Variants in ATP8B3 observed in about 807,000 individuals in gnomAD.
ATP8B3 encodes phospholipid-transporting ATPase IK.
Under a neutral mutation model 140.9 loss-of-function variants are expected in ATP8B3, and 141 were observed. The observed-to-expected ratio is 1.00, with a 90% CI of 0.87 to 1.15. The LOEUF (loss-of-function observed/expected upper bound fraction) is 1.15, where lower values mean the gene tolerates loss of function less well. Among genes scored for constraint, ATP8B3 ranks in the 50% most tolerant of loss-of-function variants. ATP8B3 has a pLI of 0.00. For missense variants in ATP8B3, 1,874 were observed against 1,740.6 expected (o/e 1.08, Z -1.36); for synonymous variants, 765 against 714.6 (o/e 1.07, Z -1.13).
rs780428511 is a variant in ATP8B3 at position 1,789,009 on chromosome 19, C to G, written c.2957G>C (p.Gly986Ala). 4 of 1,610,004 alleles carry G rather than the reference C, an allele frequency of 2.5e-6. No individual in the cohort carries two copies. In the African/African-American group the frequency reaches 5.3e-5, roughly 22 times the overall value. The change falls in exon 24 of 29, where the codon GGC (glycine) becomes GCC (alanine). Residue 986 changes from glycine to alanine, a missense_variant. By Grantham distance (60) the Gly-to-Ala change is moderately conservative (BLOSUM62 0). Transcript: ENST00000310127. ...GCAGATCCGCACGTAGGACCAGCGG[C>G]CGTGCACCAGCAGGAGGCGCTGCAG... ...CFLQRLLLVH[G>A]RWSYVRICKF...
Position 1,800,053 on chromosome 19 carries a change from G to A in ATP8B3, c.1446C>T (p.Leu482=), listed in dbSNP as rs373789334. The A allele has an allele frequency of 6.3e-6, 10 of 1,597,344 alleles. No individual in the cohort carries two copies. The highest frequency in any genetic ancestry group is 4.0e-5 in the African/African-American group (3 of 74,772). Residue 482 remains leucine, a synonymous_variant, in exon 14 of 29, where the codon CTC becomes CTT. Transcript: ENST00000310127. This position sits in a 1 kb window ranked among gnomAD's most constrained non-coding sequence, Gnocchi z 4.4. The part of the protein sequence containing the change: ...DVPAKARSTS[L]NDHLGQVEYI... ...ATTCCACCTGGCCCAGGTGGTCGTT[G>A]AGGCTGGTGCTGCGGGCCTTGGCAG...
At position 1,805,123 on chromosome 19, in the gene ATP8B3, G is replaced by A; in HGVS notation, c.904+251C>T. On this transcript the variant is annotated intron_variant, in intron 10 of 28. Coordinates refer to ENST00000310127, the MANE Select transcript of ATP8B3 (RefSeq NM_138813.4). The surrounding 1 kb of genome is among the most constrained non-coding windows in gnomAD (Gnocchi z 5.2). ...CCCAAGTAGCTGGGACCACCGGCAT[G>A]TGCCACCACGCCCAGCTACTTGTTT... The A allele has an allele frequency of 2.1e-6, 1 of 468,194 alleles. No homozygotes were observed. Among genetic ancestry groups the A allele is most frequent in the Non-Finnish European group, 4.0e-6 (1 of 251,706 alleles). 29.0% of individuals were successfully genotyped at this position (468,194 alleles called of 1,614,324 possible). A position where few individuals can be genotyped will look rare whatever the true frequency, so the allele number is the denominator to read the frequency against.
chr19:1,797,407 T>G (rs1045856004), intron 14 of ATP8B3, among the ~76,000 whole-genome samples: 3 of 152,216 alleles, frequency 2.0e-5, no homozygotes, highest in Admixed American at 6.5e-5. Context: ...TGGAGCGGGA[T>G]GCAGCCCCAT....
chr19:1,804,793 C>G (rs146022238), intron 10 of ATP8B3, among the ~76,000 whole-genome samples: 25 of 152,120 alleles, frequency 1.6e-4, no homozygotes, highest in Non-Finnish European at 2.8e-4. Flanking sequence ...GAGACAAGAG[C>G]GAAACTCCGT....
intron 10 of ATP8B3, 111 bp from the exon 11 acceptor site, chr19:1,802,756 G>C: frequency 1.5e-6 from 2 of 1,331,252 alleles, no homozygotes; most frequent in Non-Finnish European, 2.0e-6. Context: ...GCCCCTCTGT[G>C]CCCCAAACTT....
intron 3 of ATP8B3, 106 bp from the exon 4 acceptor site, chr19:1,809,840 G>A (rs974999730): frequency 3.1e-6 from 3 of 974,478 alleles, no homozygotes; most frequent in East Asian, 5.3e-5. Context: ...CAGGCACTGG[G>A]GAGGCCCGAG....
intron 14 of ATP8B3, chr19:1,799,367 G>A (rs981771565): frequency 6.5e-6 from 1 of 154,986 alleles, no homozygotes; most frequent in South Asian, 2.1e-4. Flanking sequence ...GGGAGGCTGA[G>A]GCGGGAGAAT....
rs763233752 is a variant in ATP8B3, at chr19:1,800,231, A to C, written c.1343+28T>G. Reference sequence around the variant, plus strand: ...CCATGCCTCCCCGTTCCGCGTTTGCACCGGGGACGCAGCCGGCGGAGACTC... The same window carrying C: ...CCATGCCTCCCCGTTCCGCGTTTGCCCCGGGGACGCAGCCGGCGGAGACTC... On this transcript the variant is annotated intron_variant, in intron 13 of 28. Coordinates refer to ENST00000310127, the MANE Select transcript of ATP8B3 (RefSeq NM_138813.4). The surrounding 1 kb of genome is among the most constrained non-coding windows in gnomAD (Gnocchi z 4.4). The C allele has an allele frequency of 1.2e-6, 2 of 1,606,808 alleles. No homozygotes were observed. Among genetic ancestry groups the C allele is most frequent in the Non-Finnish European group, 1.7e-6 (2 of 1,176,312 alleles).
chr19:1,810,947 C>T (rs1402258050), intron 2 of ATP8B3, among the ~76,000 whole-genome samples: 6 of 152,170 alleles, frequency 3.9e-5, no homozygotes, highest in Admixed American at 3.3e-4. Context: ...CCACCCTGGT[C>T]GCCTCCCGCC....
rs1035236016 is a variant in ATP8B3 at position 1,805,316 on chromosome 19, C to G, written c.904+58G>C. The G allele has an allele frequency of 6.8e-7, 1 of 1,467,126 alleles. No individual in the cohort carries two copies. Among genetic ancestry groups the G allele is most frequent in the Admixed American group, 2.0e-5 (1 of 50,828 alleles). The allele number at this position is 1,467,126 out of a possible 1,614,324, so 90.9% of individuals were successfully genotyped here. On this transcript the variant is annotated intron_variant, in intron 10 of 28. Transcript: ENST00000310127. The surrounding 1 kb of genome is among the most constrained non-coding windows in gnomAD (Gnocchi z 5.2). ...AACAGTAATAACAACAACAAAATAC[C>G]CTAACTTTTAACTTTTACAGATTCG...
At position 1,785,181 on chromosome 19, in the gene ATP8B3, G is replaced by C; in HGVS notation, c.3510C>G (p.Ser1170=). Residue 1170 remains serine (S), a synonymous_variant, in exon 27 of 29, where the codon TCC becomes TCG. Transcript: ENST00000310127. ...TTQSFWLFRV[S]PTTFPFLYAD... Reference sequence around the variant, plus strand: ...CACACAGAAACGGGAAGGTCGTGGGGGATACTCTGAAGAGCCAGAAGCTCT... The same window carrying C: ...CACACAGAAACGGGAAGGTCGTGGGCGATACTCTGAAGAGCCAGAAGCTCT... 6.3e-7 allele frequency: 1 copy of C among 1,593,942 alleles called. No individual in the cohort carries two copies. Among genetic ancestry groups the C allele is most frequent in the Non-Finnish European group, 8.5e-7 (1 of 1,170,802 alleles).
Position 1,808,170 on chromosome 19 carries a change from G to A in ATP8B3, c.516+52C>T, listed in dbSNP as rs181003290. On this transcript the variant is annotated intron_variant, in intron 5 of 28. Transcript: ENST00000310127. The stretch of plus-strand genomic sequence containing the variant: ...CACCCATCACACAGACAAACACATC[G>A]ATGCTGCCAGGTGGCTAGGGGGGAC... 126 of 1,424,078 alleles carry A rather than the reference G, an allele frequency of 8.8e-5. No individual in the cohort carries two copies. In the Middle Eastern group the frequency reaches 2.5e-3, roughly 28 times the overall value. The allele number at this position is 1,424,078 out of a possible 1,614,324, so 88.2% of individuals were successfully genotyped here. A position where few individuals can be genotyped will look rare whatever the true frequency, so the allele number is the denominator to read the frequency against.
chr19:1,795,124 G>A (rs1002439266), intron 18 of ATP8B3, among the ~76,000 whole-genome samples: 6 of 152,080 alleles, frequency 3.9e-5, no homozygotes, highest in African/African-American at 1.2e-4. Context: ...GCGTGGTGGC[G>A]GGCGCCTGTA....
At chr19:1,789,251 C>T in intron 23 of ATP8B3, 110 bp downstream of exon 23, 2 of 1,202,908 alleles carry the variant, frequency 1.7e-6, no homozygotes, top group Non-Finnish European at 2.2e-6. Context: ...CCACCGCCGC[C>T]TCCATCAGCG....
chr19:1,802,730 C>G, intron 10 of ATP8B3, 85 bp from the exon 11 acceptor site: 1 of 1,477,280 alleles, frequency 6.8e-7, no homozygotes, highest in South Asian at 1.3e-5. Flanking sequence ...TGAGAACATT[C>G]CGGCCACCCT....
rs1205982674 is a variant in ATP8B3, at chr19:1,789,370, T to C, written c.2836A>G (p.Met946Val). Residue 946 changes from methionine to valine, a missense_variant, in exon 23 of 29, where the codon ATG (methionine) becomes GTG (valine). Around this residue, in one of 3 missense-constraint regions of ATP8B3, gnomAD observed 840 missense variants for 760.9 expected, o/e 1.10. Transcript: ENST00000310127. ...CGCCGCCGCCACCCACTCTTGATCA[T>C]GTTGATGTCGTTGGCACCGTCCCCG... ...AIGDGANDIN[M>V]IKTADVGVGL... 2.6e-6 allele frequency: 4 copies of C among 1,520,110 alleles called. No homozygotes were observed. The highest frequency in any genetic ancestry group is 3.8e-5 in the Admixed American group (2 of 52,732). 94.2% of individuals were successfully genotyped at this position (1,520,110 alleles called of 1,614,324 possible). A position where few individuals can be genotyped will look rare whatever the true frequency, so the allele number is the denominator to read the frequency against.
Position 1,782,875 on chromosome 19 carries a change from G to T in ATP8B3, c.*153C>A. The T allele has an allele frequency of 1.0e-6, 1 of 965,920 alleles. No individual in the cohort carries two copies. The highest frequency in any genetic ancestry group is 1.5e-6 in the Non-Finnish European group (1 of 661,926). The allele number at this position is 965,920 out of a possible 1,614,324, so 59.8% of individuals were successfully genotyped here. Reference sequence around the variant, plus strand: ...TGTTGCTGCTGGTGAGCACATATTTGGGGAGGGCAGGTTGGTTTTCTGGAT... The same window carrying T: ...TGTTGCTGCTGGTGAGCACATATTTTGGGAGGGCAGGTTGGTTTTCTGGAT... On this transcript the variant is annotated 3_prime_UTR_variant, in exon 29 of 29. Transcript: ENST00000310127.
chr19:1,804,576 C>A (rs2068952956), intron 10 of ATP8B3, among the ~76,000 whole-genome samples: 1 of 151,856 alleles, frequency 6.6e-6, no homozygotes, highest in Non-Finnish European at 1.5e-5. Flanking sequence ...CCACTGCACT[C>A]CAGCCTGGGC....
At position 1,788,972 on chromosome 19, in the gene ATP8B3, G is replaced by T; in HGVS notation, c.2994C>A (p.Arg998=). The change falls in exon 24 of 29, where the codon CGC becomes CGA. Residue 998 remains arginine, a synonymous_variant. Transcript: ENST00000310127. The part of the protein sequence containing the change: ...WSYVRICKFL[R]YFFYKSMASM... ...TGGCCATGCTCTTGTAGAAGAAGTA[G>T]CGCAGGAACTTGCAGATCCGCACGT... 6.2e-7 allele frequency: 1 copy of T among 1,610,138 alleles called. No homozygotes were observed. Among genetic ancestry groups the T allele is most frequent in the South Asian group, 1.1e-5 (1 of 90,328 alleles).
Sources: gnomAD v4.1 joint callset for allele counts (sites outside exome capture counted in the v4.1 genomes callset) on GRCh38, gnomAD v4.1.1 for gene constraint, gnomAD v4.1.1 regional missense constraint, Gnocchi (gnomAD v3.1) non-coding constraint, MANE v1.5 for transcripts, NCBI Gene and HGNC (gene_info 2026-07-23, HGNC 2026-07-21) for gene names.